The following ZNF446 variants were observed in gnomAD, a reference collection of about 807,000 sequenced individuals.
ZNF446 encodes the protein zinc finger protein with KRAB and SCAN domains 20.
Under a neutral mutation model 34.0 loss-of-function variants are expected in ZNF446, and 42 were observed. That is an observed-to-expected ratio of 1.23 (90% confidence interval 0.96 to 1.60). The LOEUF (loss-of-function observed/expected upper bound fraction) is 1.60. Ranked by LOEUF, ZNF446 falls within the 40% of genes most tolerant of loss-of-function variation. The probability of loss-of-function intolerance (pLI) is 0.00; values close to 1 mark genes in which losing one functional copy is unlikely to be tolerated. For missense variants in ZNF446, 650 were observed against 600.2 expected (o/e 1.08, Z -0.87); for synonymous variants, 315 against 251.0 (o/e 1.25, Z -2.41).
At chr19:58,486,800 A>G in the ZNF446 span, among the ~76,000 whole-genome samples, 126 of 150,134 alleles carry the variant, frequency 8.4e-4, no homozygotes, top group African/African-American at 2.9e-3. Context: ...GTTGAAAATG[A>G]TTTCTTCTTT....
chr19:58,481,968 G>C (rs1398440410), downstream of ZNF446, among the ~76,000 whole-genome samples: 1 of 152,016 alleles, frequency 6.6e-6, no homozygotes, highest in Non-Finnish European at 1.5e-5. Flanking sequence ...TAATTTTTTT[G>C]CATTTTTAGT....
downstream of ZNF446, among the ~76,000 whole-genome samples, chr19:58,484,145 T>C (rs775699331): frequency 6.6e-6 from 1 of 151,678 alleles, no homozygotes; most frequent in Non-Finnish European, 1.5e-5. Context: ...AATACTAGAG[T>C]GTTGGCAATG....
chr19:58,484,607 G>A (rs938269569), downstream of ZNF446, among the ~76,000 whole-genome samples: 25 of 151,702 alleles, frequency 1.6e-4, no homozygotes, highest in Admixed American at 2.0e-4. Context: ...AAAGGCGGGC[G>A]GACTGCTTGA....
At chr19:58,486,743 C>G in the ZNF446 span, among the ~76,000 whole-genome samples, 1 of 149,188 alleles carries the variant, frequency 6.7e-6, no homozygotes, top group Non-Finnish European at 1.5e-5. Context: ...GAGATGAGGT[C>G]TCGCCATGTT....
At chr19:58,484,311 A>T (rs921048104), downstream of ZNF446, among the ~76,000 whole-genome samples, 5 of 148,140 alleles carry the variant, frequency 3.4e-5, no homozygotes, top group South Asian at 2.1e-4. Context: ...ATTAAAAAAA[A>T]TTTTTTTAGC....
downstream of ZNF446, among the ~76,000 whole-genome samples, chr19:58,484,290 AAAAAC>A (rs1381404444): frequency 4.7e-5 from 7 of 148,802 alleles, no homozygotes; most frequent in East Asian, 2.0e-4. Flanking sequence ...AAAAAAAAAA[AAAAAC>A]ACACAATTAA....
downstream of ZNF446, among the ~76,000 whole-genome samples, chr19:58,484,424 C>T (rs925527203): frequency 2.1e-4 from 31 of 148,210 alleles, no homozygotes; most frequent in Non-Finnish European, 3.7e-4. Flanking sequence ...CAAGATCTCA[C>T]GACTGCACTC....
chr19:58,480,021 T>C lies in ZNF446; in HGVS notation c.802+2T>C. 6.3e-7 allele frequency: 1 copy of C among 1,578,570 alleles called. No homozygotes were observed. Among genetic ancestry groups the C allele is most frequent in the Non-Finnish European group, 8.6e-7 (1 of 1,166,416 alleles). ...GCGTCTGCAGAAGCCTGCGCTCGGGTGAGTGCCCCACACCATCCAGCCTGA... is the reference window on the plus strand; with the variant it reads ...GCGTCTGCAGAAGCCTGCGCTCGGGCGAGTGCCCCACACCATCCAGCCTGA... On this transcript the variant is annotated splice_donor_variant, in intron 6 of 6. Transcript: ENST00000594369. LOFTEE classifies it high-confidence loss of function. The surrounding 1 kb of genome is among the most constrained non-coding windows in gnomAD (Gnocchi z 7.2).
rs747944134 is a variant in ZNF446 at position 58,480,622 on chromosome 19, C to T, written c.1249C>T (p.His417Tyr). 2 of 1,612,480 alleles carry T rather than the reference C, an allele frequency of 1.2e-6. No individual in the cohort carries two copies. The highest frequency in any genetic ancestry group is 8.5e-7 in the Non-Finnish European group (1 of 1,179,936). ...GCAGCTGGTCATCCACCGCAAGAGC[C>T]ACACAGGCCAGCGGCGTCACTTCTG... ...KSQLVIHRKS[H>Y]TGQRRHFCSD... The change falls in exon 7 of 7, where the codon CAC becomes TAC. Residue 417 changes from histidine to tyrosine, a missense_variant. Physicochemically the swap from His to Tyr is moderately conservative, Grantham distance 83 (BLOSUM62 2). Transcript: ENST00000594369. This position sits in a 1 kb window ranked among gnomAD's most constrained non-coding sequence, Gnocchi z 7.2.
intron 4 of ZNF446, among the ~76,000 whole-genome samples, chr19:58,478,396 G>T (rs1270881809): frequency 6.6e-6 from 1 of 152,120 alleles, no homozygotes; most frequent in Non-Finnish European, 1.5e-5. Flanking sequence ...GGACATGGTG[G>T]CTTACACCTG....
At chr19:58,479,890 A>C (rs1322744320) in intron 5 of ZNF446, 40 bp from the exon 6 acceptor site, 20 of 1,514,024 alleles carry the variant, frequency 1.3e-5, no homozygotes, top group Non-Finnish European at 1.7e-5. Context: ...CCCCTCCTTC[A>C]TGCAAACCCC....
chr19:58,479,408 C>T (rs779231143), intron 4 of ZNF446: 22 of 538,150 alleles, frequency 4.1e-5, no homozygotes, highest in Non-Finnish European at 6.3e-5. Flanking sequence ...CCAAACCTGC[C>T]CTCTGAGCAG....
downstream of ZNF446, chr19:58,483,686 G>C (rs11673101): frequency 0.14 from 20,923 of 151,994 alleles, 1,769 homozygotes; most frequent in Non-Finnish European, 0.18. Flanking sequence ...CGGAAGGGTA[G>C]GTCAGAGAGA....
At chr19:58,483,196 T>C (rs1038364277), downstream of ZNF446, among the ~76,000 whole-genome samples, 8 of 149,672 alleles carry the variant, frequency 5.3e-5, no homozygotes, top group Admixed American at 2.0e-4. Flanking sequence ...AAAAAAAAAA[T>C]TAAAAATAAT....
chr19:58,487,815 CAA>C, the ZNF446 span, among the ~76,000 whole-genome samples: 1 of 152,100 alleles, frequency 6.6e-6, no homozygotes, highest in African/African-American at 2.4e-5. Flanking sequence ...TCTCAAAAAA[CAA>C]ATTAACTACA....
intron 3 of ZNF446, 70 bp from the exon 4 acceptor site, chr19:58,478,017 G>T: frequency 3.4e-6 from 5 of 1,461,284 alleles, no homozygotes; most frequent in Non-Finnish European, 4.7e-6. Context: ...CACAGCAGAG[G>T]AGCTCCTCAT....
At chr19:58,486,889 G>A in the ZNF446 span, among the ~76,000 whole-genome samples, 1 of 151,426 alleles carries the variant, frequency 6.6e-6, no homozygotes, top group Non-Finnish European at 1.5e-5. Flanking sequence ...TGCAAGCTCC[G>A]CCTCCTGGGT....
At chr19:58,478,467 C>G (rs575098519) in intron 4 of ZNF446, among the ~76,000 whole-genome samples, 3 of 152,044 alleles carry the variant, frequency 2.0e-5, no homozygotes, top group African/African-American at 7.3e-5. Context: ...AGCTCGAGAC[C>G]AGCCTGACCA....
Position 58,480,086 on chromosome 19 carries a change from C to T in ZNF446, c.802+67C>T, listed in dbSNP as rs1460898345. 1.3e-6 allele frequency: 2 copies of T among 1,556,362 alleles called. No individual in the cohort carries two copies. Among genetic ancestry groups the T allele is most frequent in the African/African-American group, 2.7e-5 (2 of 73,900 alleles). On this transcript the variant is annotated intron_variant, in intron 6 of 6. Transcript: ENST00000594369. This position sits in a 1 kb window ranked among gnomAD's most constrained non-coding sequence, Gnocchi z 7.2. The stretch of plus-strand genomic sequence containing the variant: ...ATCGGTGGGACCTGAGCCACCCACT[C>T]ATGGGGGGACGGGAGCTTGTGCCAC...
Sources: allele counts gnomAD v4.1 joint callset (sites outside exome capture counted in the v4.1 genomes callset), GRCh38; gene constraint gnomAD v4.1.1; non-coding constraint Gnocchi (gnomAD v3.1); transcripts MANE v1.5; gene names NCBI Gene and HGNC (gene_info 2026-07-23, HGNC 2026-07-21).